SMARCA2: variants seen among roughly 807,000 people sequenced by gnomAD.
SMARCA2 encodes SWI/SNF related BAF chromatin remodeling complex subunit ATPase 2.
SMARCA2 carries 61 observed loss-of-function variants against 199.8 expected under a neutral mutation model. The ratio of observed to expected loss-of-function variants is 0.31; its 90% confidence interval spans 0.25 to 0.38. The LOEUF (loss-of-function observed/expected upper bound fraction) is 0.38, where lower values mean the gene tolerates loss of function less well. SMARCA2 is among the 10% of genes least tolerant of loss of function. The pLI is 1.00. For synonymous variants in SMARCA2, 935 were observed against 732.0 expected (o/e 1.28, Z -4.48); for missense variants, 1,344 against 2,012.2 (o/e 0.67, Z 6.35).
At chr9:2,024,192 CT>C (rs951150972) in intron 1 of SMARCA2, among the ~76,000 whole-genome samples, 15 of 152,252 alleles carry the variant, frequency 9.9e-5, no homozygotes, top group Admixed American at 5.2e-4. Flanking sequence ...TTCTAGGGAA[CT>C]TTTTTTCTTT....
intron 27 of SMARCA2, among the ~76,000 whole-genome samples, chr9:2,128,498 G>T (rs1056343451): frequency 6.6e-6 from 1 of 152,228 alleles, no homozygotes; most frequent in Non-Finnish European, 1.5e-5. Context: ...GCTAGAAGAT[G>T]CAGGGTGCAG....
intron 22 of SMARCA2, among the ~76,000 whole-genome samples, 156 bp from the exon 23 acceptor site, chr9:2,103,847 G>T (rs1224698195): frequency 6.6e-6 from 1 of 151,974 alleles, no homozygotes; most frequent in East Asian, 1.9e-4. Context: ...TATTCTCATT[G>T]CTTTGGAGTT....
chr9:2,058,155 C>CCTATCCCCAAACAGATT, intron 7 of SMARCA2, 136 bp from the exon 8 acceptor site: 2 of 747,484 alleles, frequency 2.7e-6, no homozygotes, highest in Non-Finnish European at 2.3e-6. Context: ...CACCAGGGCA[C>CCTATCCCCAAACAGATT]CTATCCCCAA....
intron 9 of SMARCA2, among the ~76,000 whole-genome samples, chr9:2,064,433 A>T (rs1023161281): frequency 6.6e-6 from 1 of 152,352 alleles, no homozygotes; most frequent in African/African-American, 2.4e-5. Flanking sequence ...ACACCCTAAC[A>T]TATAGTAAGT....
intron 4 of SMARCA2, chr9:2,040,115 G>T: frequency 1.0e-6 from 1 of 1,003,220 alleles, no homozygotes. Context: ...TTAAAAGGTG[G>T]TTGTGCAAGC....
intron 23 of SMARCA2, among the ~76,000 whole-genome samples, chr9:2,107,908 A>G (rs1822831760): frequency 6.6e-6 from 1 of 152,042 alleles, no homozygotes; most frequent in Admixed American, 6.6e-5. Flanking sequence ...AAGCATAAAG[A>G]TGGAAGAACA....
intron 27 of SMARCA2, among the ~76,000 whole-genome samples, chr9:2,146,547 G>C (rs538829644): frequency 6.6e-6 from 1 of 152,086 alleles, no homozygotes; most frequent in African/African-American, 2.4e-5. Flanking sequence ...CCCAAGAGAG[G>C]GTTCTTGAAT....
chr9:2,040,174 G>T lies in SMARCA2; in HGVS notation c.790+274G>T, dbSNP rs138538693. ...TGTGATTTTGCGTTCTCTTTGAAGC[G>T]GTTCAAGGTTTCTTGGAAGCCCATC... On this transcript the variant is annotated intron_variant, in intron 4 of 33. Coordinates refer to ENST00000349721, the MANE Select transcript of SMARCA2 (RefSeq NM_003070.5). 6 of 645,372 alleles carry T rather than the reference G, an allele frequency of 9.3e-6. No individual in the cohort carries two copies. In the East Asian group the frequency reaches 1.7e-4, roughly 18 times the overall value. 40.0% of individuals were successfully genotyped at this position (645,372 alleles called of 1,614,324 possible).
At position 2,115,334 on chromosome 9, in the gene SMARCA2, T is replaced by G. The variant is rs564876561; in HGVS notation, c.3457-488T>G. Reference sequence around the variant, plus strand: ...AAATTGACTACCTGAGCAGTCAGTGTGTGTGTATGTGTGTGTGTGGTAAGA... The same window carrying G: ...AAATTGACTACCTGAGCAGTCAGTGGGTGTGTATGTGTGTGTGTGGTAAGA... On this transcript the variant is annotated intron_variant, in intron 24 of 33. Coordinates refer to ENST00000349721, the MANE Select transcript of SMARCA2 (RefSeq NM_003070.5). The surrounding 1 kb of genome is among the most constrained non-coding windows in gnomAD (Gnocchi z 6.0). Among the ~76,000 whole-genome samples, 6 of 152,340 alleles carry G rather than the reference T, an allele frequency of 3.9e-5. No individual in the cohort carries two copies. The South Asian group carries it at 1.2e-3, about 32-fold the overall frequency.
intron 27 of SMARCA2, among the ~76,000 whole-genome samples, chr9:2,145,268 A>G (rs1277307330): frequency 1.3e-5 from 2 of 150,146 alleles, no homozygotes; most frequent in African/African-American, 2.4e-5. Flanking sequence ...GCAACACTGC[A>G]CTTCAGCCTG....
chr9:2,128,027 T>A (rs1823773451), intron 27 of SMARCA2, among the ~76,000 whole-genome samples: 1 of 152,196 alleles, frequency 6.6e-6, no homozygotes, highest in Non-Finnish European at 1.5e-5. Flanking sequence ...GAAACTTAGA[T>A]GTCCTTAGTG....
intron 28 of SMARCA2, among the ~76,000 whole-genome samples, chr9:2,164,297 A>T (rs1033016014): frequency 6.6e-6 from 1 of 152,154 alleles, no homozygotes; most frequent in African/African-American, 2.4e-5. Flanking sequence ...TATATGCCTT[A>T]AACCTCAGCT....
At position 2,192,943 on chromosome 9, in the gene SMARCA2, G is replaced by A. The variant is rs1295221964; in HGVS notation, c.*204G>A. 2.5e-5 allele frequency: 13 copies of A among 519,402 alleles called. No homozygotes were observed. The highest frequency in any genetic ancestry group is 4.1e-5 in the Non-Finnish European group (12 of 294,626). 32.2% of individuals were successfully genotyped at this position (519,402 alleles called of 1,614,324 possible). On this transcript the variant is annotated 3_prime_UTR_variant, in exon 34 of 34. Coordinates refer to ENST00000349721, the MANE Select transcript of SMARCA2 (RefSeq NM_003070.5). ...TACACAAATATTTGTAACATATTGT[G>A]ACCAAATGGGCCTCAAAGATTCAGA...
chr9:2,172,554 G>A (rs10965088), intron 29 of SMARCA2, among the ~76,000 whole-genome samples: 80,903 of 151,836 alleles, frequency 0.53, 22,163 homozygotes, highest in Admixed American at 0.61. Context: ...CATTGGAGAC[G>A]AAGGAAGACT....
intron 27 of SMARCA2, among the ~76,000 whole-genome samples, chr9:2,131,898 C>T (rs182876507): frequency 6.7e-6 from 1 of 148,672 alleles, no homozygotes; most frequent in African/African-American, 2.5e-5. Context: ...AAGATCACAC[C>T]ACTGCACTGC....
chr9:2,062,578 G>A (rs150170241), intron 9 of SMARCA2, among the ~76,000 whole-genome samples: 4 of 152,150 alleles, frequency 2.6e-5, no homozygotes, highest in African/African-American at 9.7e-5. Context: ...TGTCACAATT[G>A]TTTTTCATGG....
rs181251487 is a variant in SMARCA2, at chr9:2,120,233, A to T, written c.3762+698A>T. Among the ~76,000 whole-genome samples, 31 of 152,306 alleles carry T rather than the reference A, an allele frequency of 2.0e-4. No homozygotes were observed. In the East Asian group the frequency reaches 5.6e-3, roughly 27 times the overall value. On this transcript the variant is annotated intron_variant, in intron 26 of 33. Transcript: ENST00000349721. ...ACAGAGAGAGTAAATATAAACCACA[A>T]CTTTGGTGGTTGAATGCTGCAGAAC...
At chr9:2,035,153 T>C (rs1337856048) in intron 3 of SMARCA2, among the ~76,000 whole-genome samples, 1 of 151,980 alleles carries the variant, frequency 6.6e-6, no homozygotes, top group Non-Finnish European at 1.5e-5. Context: ...GCGATTCTCC[T>C]GCCTCAGCCT....
rs140473376 is a variant in SMARCA2, at chr9:2,119,797, G to A, written c.3762+262G>A. Among the ~76,000 whole-genome samples the A allele has an allele frequency of 9.9e-5, 15 of 152,266 alleles. No individual in the cohort carries two copies. Among genetic ancestry groups the A allele is most frequent in the African/African-American group, 2.4e-4 (10 of 41,562 alleles). ...CTGGCTTCTCTTGAAAAATGAGATC[G>A]GGCAGTACCAGGCCCACATCTTTGT... On this transcript the variant is annotated intron_variant, in intron 26 of 33. Coordinates refer to ENST00000349721, the MANE Select transcript of SMARCA2 (RefSeq NM_003070.5). The surrounding 1 kb of genome is among the most constrained non-coding windows in gnomAD (Gnocchi z 4.6).
Sources: allele counts gnomAD v4.1 joint callset (sites outside exome capture counted in the v4.1 genomes callset), GRCh38; gene constraint gnomAD v4.1.1; non-coding constraint Gnocchi (gnomAD v3.1); transcripts MANE v1.5; gene names NCBI Gene and HGNC (gene_info 2026-07-23, HGNC 2026-07-21).